The following DCBLD2 variants were observed in gnomAD, a reference collection of about 807,000 sequenced individuals.
DCBLD2 encodes discoidin, CUB and LCCL domain-containing protein 2.
A neutral mutation model predicts 86.8 loss-of-function variants in DCBLD2; 54 were observed. The observed-to-expected ratio is 0.62, with a 90% confidence interval of 0.50 to 0.78. The LOEUF (loss-of-function observed/expected upper bound fraction) is 0.78, where lower values mean the gene tolerates loss of function less well. Among genes scored for constraint, DCBLD2 ranks in the 30% least tolerant of loss-of-function variants. The pLI is 0.00. For missense variants in DCBLD2, 908 were observed against 954.2 expected, an observed-to-expected ratio of 0.95 and a Z score of 0.64; for synonymous variants, 354 against 341.3, an observed-to-expected ratio of 1.04 and a Z score of -0.41.
chr3:98,839,123 C>CTTTCTT (rs1170810457), intron 3 of DCBLD2, among the ~76,000 whole-genome samples: 39 of 34,278 alleles, frequency 1.1e-3, no homozygotes, highest in Admixed American at 0.011. Context: ...CTTTCTTTTT[C>CTTTCTT]TTTCTTTCCT....
chr3:98,826,629 C>T lies in DCBLD2; in HGVS notation c.572-1263G>A, dbSNP rs545536183. On this transcript the variant is annotated intron_variant, in intron 3 of 15. Transcript: ENST00000326840. ...AAATCACTCTATAAAGCCTAGTCCCCGGACAGAGCCTGAGGCTGTTTGTCC... is the reference window on the plus strand; with the variant it reads ...AAATCACTCTATAAAGCCTAGTCCCTGGACAGAGCCTGAGGCTGTTTGTCC... Among the ~76,000 whole-genome samples the T allele has an allele frequency of 4.6e-5, 7 of 152,300 alleles. No individual in the cohort carries two copies. The South Asian group carries it at 6.2e-4, about 14-fold the overall frequency.
At chr3:98,888,834 C>T (rs1455745129) in intron 1 of DCBLD2, among the ~76,000 whole-genome samples, 1 of 152,012 alleles carries the variant, frequency 6.6e-6, no homozygotes, top group African/African-American at 2.4e-5. Flanking sequence ...TACTGCAGTT[C>T]AGTAACTCAC....
chr3:98,820,929 T>C (rs1197396144), intron 6 of DCBLD2: 1 of 148,900 alleles, frequency 6.7e-6, no homozygotes, highest in Non-Finnish European at 1.5e-5. Context: ...ACTAAATCTT[T>C]CTAAAGGTAT....
In DCBLD2 at chr3:98,901,467, T is replaced by G; in HGVS notation, c.-141A>C. On this transcript the variant is annotated 5_prime_UTR_variant, in exon 1 of 16. Coordinates refer to ENST00000326840, the MANE Select transcript of DCBLD2 (RefSeq NM_080927.4). ...TCGCCTCACCCCGCGCCGGGACCCT[T>G]CCGCCCCTCACCCCGCTTTCACCTA... 1 of 799,110 alleles carries G rather than the reference T, an allele frequency of 1.3e-6. No individual in the cohort carries two copies. Among genetic ancestry groups the G allele is most frequent in the Non-Finnish European group, 1.7e-6 (1 of 595,444 alleles). 49.5% of individuals were successfully genotyped at this position (799,110 alleles called of 1,614,324 possible). A position where few individuals can be genotyped will look rare whatever the true frequency, so the allele number is the denominator to read the frequency against.
chr3:98,850,377 A>C (rs1301870348), intron 2 of DCBLD2, among the ~76,000 whole-genome samples: 3 of 152,370 alleles, frequency 2.0e-5, no homozygotes, highest in South Asian at 4.1e-4. Context: ...TCATGTTTTA[A>C]GAAAGTTTAT....
chr3:98,862,096 T>A (rs1015296045), intron 2 of DCBLD2, among the ~76,000 whole-genome samples: 3 of 151,456 alleles, frequency 2.0e-5, no homozygotes, highest in African/African-American at 7.3e-5. Flanking sequence ...TACAAACACC[T>A]CTACGCAAAT....
chr3:98,895,210 C>T (rs1943731197), intron 1 of DCBLD2: 1 of 152,198 alleles, frequency 6.6e-6, no homozygotes, highest in African/African-American at 2.4e-5. Flanking sequence ...AGGGACCAGA[C>T]TGTGAAAAAA....
chr3:98,847,851 C>T (rs1942756262), intron 3 of DCBLD2, among the ~76,000 whole-genome samples: 1 of 151,812 alleles, frequency 6.6e-6, no homozygotes, highest in Admixed American at 6.6e-5. Flanking sequence ...ATCATGGTAC[C>T]CCTATATAGC....
chr3:98,831,997 T>C (rs986032808), intron 3 of DCBLD2, among the ~76,000 whole-genome samples: 41 of 152,308 alleles, frequency 2.7e-4, no homozygotes, highest in African/African-American at 9.4e-4. Flanking sequence ...AATATCTTTG[T>C]TAATTTTCTG....
At chr3:98,900,410 TATG>T (rs1943827060) in intron 1 of DCBLD2, among the ~76,000 whole-genome samples, 1 of 152,152 alleles carries the variant, frequency 6.6e-6, no homozygotes, top group African/African-American at 2.4e-5. Flanking sequence ...CTCCTTCCAT[TATG>T]ATAAGTATTT....
At chr3:98,822,165 C>T (rs756838534) in intron 6 of DCBLD2, 63 bp downstream of exon 6, 2 of 1,587,272 alleles carry the variant, frequency 1.3e-6, no homozygotes, top group Admixed American at 1.7e-5. Flanking sequence ...AGTTCTTAGC[C>T]CAGTGCTACC....
intron 1 of DCBLD2, among the ~76,000 whole-genome samples, chr3:98,899,303 G>GA (rs1943806894): frequency 6.8e-6 from 1 of 147,472 alleles, no homozygotes; most frequent in South Asian, 2.1e-4. Context: ...TCTGTCGCCA[G>GA]GCTGGAGTGC....
chr3:98,895,880 T>C (rs1036272659), intron 1 of DCBLD2, among the ~76,000 whole-genome samples: 2 of 152,210 alleles, frequency 1.3e-5, no homozygotes, highest in Admixed American at 1.3e-4. Context: ...ATGCACACTC[T>C]CTTGAGAGTT....
chr3:98,802,052 A>T (rs565046418), intron 13 of DCBLD2: 1 of 155,440 alleles, frequency 6.4e-6, no homozygotes, highest in Admixed American at 6.3e-5. Flanking sequence ...ATGATTTATA[A>T]TCCTTTGGGT....
intron 3 of DCBLD2, among the ~76,000 whole-genome samples, chr3:98,835,363 T>C (rs956789546): frequency 5.5e-5 from 6 of 109,670 alleles, no homozygotes; most frequent in Non-Finnish European, 9.4e-5. Flanking sequence ...TACCCACTGT[T>C]CAAGGTCAAA....
intron 2 of DCBLD2, among the ~76,000 whole-genome samples, chr3:98,858,140 GAA>G (rs528804537): frequency 1.6e-3 from 249 of 152,362 alleles, no homozygotes; most frequent in Admixed American, 6.5e-3. Context: ...AAGGCCCAGC[GAA>G]AAGTCACAGC....
rs1943040197 is a variant in DCBLD2 at position 98,861,337 on chromosome 3, GATATCCAGGAATTGA to G, written c.434-11754_434-11740del. Among the ~76,000 whole-genome samples the G allele has an allele frequency of 2.6e-5, 4 of 152,116 alleles. No individual in the cohort carries two copies. In the South Asian group the frequency reaches 8.3e-4, roughly 31 times the overall value. ...ATCAATGAGAAAGAAAGTTAACAGG[GATATCCAGGAATTGA>G]ACTTAGCTCTGCACCAAGCAGACCT... On this transcript the variant is annotated intron_variant, in intron 2 of 15. Coordinates refer to ENST00000326840, the MANE Select transcript of DCBLD2 (RefSeq NM_080927.4).
intron 3 of DCBLD2, among the ~76,000 whole-genome samples, chr3:98,828,528 G>A (rs1180187038): frequency 1.3e-5 from 2 of 152,184 alleles, no homozygotes; most frequent in African/African-American, 4.8e-5. Context: ...ACACTCACTA[G>A]GATGGCGAAA....
At chr3:98,815,666 G>A (rs1651814678) in intron 9 of DCBLD2, 1 of 152,082 alleles carries the variant, frequency 6.6e-6, no homozygotes, top group South Asian at 2.1e-4. Flanking sequence ...ATGTTCCAGA[G>A]ATAGAGAAAA....
Sources: gnomAD v4.1 joint callset for allele counts (sites outside exome capture counted in the v4.1 genomes callset) on GRCh38, gnomAD v4.1.1 for gene constraint, MANE v1.5 for transcripts, NCBI Gene and HGNC (gene_info 2026-07-23, HGNC 2026-07-21) for gene names.